The following HPSE2 variants were observed in gnomAD, a reference collection of about 807,000 sequenced individuals.
HPSE2 encodes the protein heparanase 2 (inactive).
HPSE2 carries 38 observed loss-of-function variants against 60.5 expected under a neutral mutation model. That is an observed-to-expected ratio of 0.63 (90% CI 0.48 to 0.82). The LOEUF is 0.82. Among genes scored for constraint, HPSE2 ranks in the 40% least tolerant of loss-of-function variants. The probability of loss-of-function intolerance (pLI) is 0.00; values close to 1 mark genes in which losing one functional copy is unlikely to be tolerated. For synonymous variants in HPSE2, 295 were observed against 293.2 expected, an observed-to-expected ratio of 1.01 and a Z score of -0.06; for missense variants, 713 against 740.4, an observed-to-expected ratio of 0.96 and a Z score of 0.43.
intron 6 of HPSE2, among the ~76,000 whole-genome samples, chr10:98,644,739 A>G (rs1174025353): frequency 6.6e-6 from 1 of 152,186 alleles, no homozygotes; most frequent in African/African-American, 2.4e-5. Context: ...AATGGCTAGC[A>G]TTATATCTTC....
At chr10:99,223,798 A>G (rs2133935270) in intron 2 of HPSE2, among the ~76,000 whole-genome samples, 1 of 152,262 alleles carries the variant, frequency 6.6e-6, no homozygotes, top group East Asian at 1.9e-4. Flanking sequence ...CATATTCAGA[A>G]AAGAATTTTA....
intron 3 of HPSE2, among the ~76,000 whole-genome samples, chr10:98,812,349 G>C (rs780429232): frequency 6.6e-6 from 1 of 152,064 alleles, no homozygotes; most frequent in Non-Finnish European, 1.5e-5. Context: ...GGAAAGACAG[G>C]AATAAAGGGC....
At chr10:99,186,137 C>A (rs199528636) in intron 2 of HPSE2, among the ~76,000 whole-genome samples, 2 of 147,754 alleles carry the variant, frequency 1.4e-5, no homozygotes, top group South Asian at 4.2e-4. Context: ...CACACACACA[C>A]ACACACACAC....
At chr10:98,546,006 A>C (rs1329041467) in intron 9 of HPSE2, among the ~76,000 whole-genome samples, 1 of 135,900 alleles carries the variant, frequency 7.4e-6, no homozygotes, top group East Asian at 2.5e-4. Flanking sequence ...TTATATACCA[A>C]TAACAGACAA....
chr10:99,070,998 T>C (rs754155428), intron 3 of HPSE2, among the ~76,000 whole-genome samples: 1 of 152,146 alleles, frequency 6.6e-6, no homozygotes, highest in Non-Finnish European at 1.5e-5. Context: ...TTCAATATCC[T>C]GTTCTCAATT....
chr10:98,890,136 C>A (rs1590021277), intron 3 of HPSE2, among the ~76,000 whole-genome samples: 1 of 152,264 alleles, frequency 6.6e-6, no homozygotes. Context: ...TAAAGGCCTG[C>A]CCCACTAACA....
intron 3 of HPSE2, among the ~76,000 whole-genome samples, chr10:98,944,230 G>A (rs1287210775): frequency 6.6e-6 from 1 of 152,028 alleles, no homozygotes; most frequent in Non-Finnish European, 1.5e-5. Context: ...ATGTATTAAG[G>A]GACAGTATCT....
At chr10:99,052,314 C>G (rs1958009074) in intron 3 of HPSE2, among the ~76,000 whole-genome samples, 1 of 150,418 alleles carries the variant, frequency 6.6e-6, no homozygotes, top group African/African-American at 2.4e-5. Flanking sequence ...TAATAGAAGA[C>G]TGAAGCCATC....
At chr10:98,818,914 A>T (rs1367946876) in intron 3 of HPSE2, among the ~76,000 whole-genome samples, 2 of 152,238 alleles carry the variant, frequency 1.3e-5, no homozygotes, top group Admixed American at 1.3e-4. Flanking sequence ...TAACCTGGCC[A>T]GCCAATTAGC....
At chr10:99,173,679 C>T (rs1323360715) in intron 2 of HPSE2, among the ~76,000 whole-genome samples, 2 of 152,128 alleles carry the variant, frequency 1.3e-5, no homozygotes, top group Non-Finnish European at 2.9e-5. Context: ...CGCGGTGGCT[C>T]AAGCCTGTAA....
intron 3 of HPSE2, among the ~76,000 whole-genome samples, chr10:98,920,214 A>C (rs1448971155): frequency 1.3e-5 from 2 of 152,294 alleles, no homozygotes; most frequent in Non-Finnish European, 2.9e-5. Flanking sequence ...CTTTTGCTTA[A>C]AGACTTCTGT....
chr10:98,744,631 A>G (rs1255857300), intron 3 of HPSE2, among the ~76,000 whole-genome samples: 2 of 152,148 alleles, frequency 1.3e-5, no homozygotes, highest in South Asian at 2.1e-4. Flanking sequence ...AGTCCATCAT[A>G]TGTTTTATTT....
At chr10:99,080,232 TAA>T (rs1466340255) in intron 3 of HPSE2, among the ~76,000 whole-genome samples, 4 of 152,240 alleles carry the variant, frequency 2.6e-5, no homozygotes, top group Non-Finnish European at 5.9e-5. Flanking sequence ...GTTTGAGTTT[TAA>T]GTTGTTGGCC....
intron 3 of HPSE2, among the ~76,000 whole-genome samples, chr10:98,778,266 G>GAC (rs1950386877): frequency 7.4e-6 from 1 of 135,284 alleles, no homozygotes. Flanking sequence ...GAGAGAGACA[G>GAC]AGAGAGAGAG....
chr10:98,516,868 C>G (rs17458926), intron 9 of HPSE2, among the ~76,000 whole-genome samples: 4,337 of 152,156 alleles, frequency 0.029, 119 homozygotes, highest in African/African-American at 0.071. Flanking sequence ...CAATGAAGCA[C>G]TGCTTTGAAA....
At chr10:98,889,676 G>A (rs940925521) in intron 3 of HPSE2, among the ~76,000 whole-genome samples, 1 of 152,100 alleles carries the variant, frequency 6.6e-6, no homozygotes, top group Admixed American at 6.6e-5. Flanking sequence ...AGTGGGCCCT[G>A]GGTTGATATT....
intron 3 of HPSE2, among the ~76,000 whole-genome samples, chr10:98,955,525 T>C (rs1372288234): frequency 1.3e-5 from 2 of 152,138 alleles, no homozygotes; most frequent in African/African-American, 2.4e-5. Context: ...ATAAATTAGT[T>C]CAACCATTGT....
chr10:99,124,125 T>C (rs538762247), intron 3 of HPSE2, among the ~76,000 whole-genome samples: 1 of 152,024 alleles, frequency 6.6e-6, no homozygotes, highest in East Asian at 1.9e-4. Context: ...GGTTGTCCCA[T>C]TGATTCTGCA....
chr10:98,503,261 A>G (rs1033799633), intron 9 of HPSE2, among the ~76,000 whole-genome samples: 2 of 152,106 alleles, frequency 1.3e-5, no homozygotes, highest in African/African-American at 4.8e-5. Context: ...GAGTAAAAGA[A>G]AACACTCAAC....
Sources: allele counts gnomAD v4.1 joint callset (sites outside exome capture counted in the v4.1 genomes callset), GRCh38; gene constraint gnomAD v4.1.1; transcripts MANE v1.5; gene names NCBI Gene and HGNC (gene_info 2026-07-23, HGNC 2026-07-21).